RIC8B: variants seen among roughly 807,000 people sequenced by gnomAD.
RIC8B encodes chaperone Ric-8B.
A neutral mutation model predicts 57.5 loss-of-function variants in RIC8B; 16 were observed. The ratio of observed to expected loss-of-function variants is 0.28; its 90% confidence interval spans 0.19 to 0.42. The LOEUF (loss-of-function observed/expected upper bound fraction) is 0.42, where lower values mean the gene tolerates loss of function less well. RIC8B is among the 10% of genes least tolerant of loss of function. The probability of loss-of-function intolerance (pLI) is 1.00; values close to 1 mark genes in which losing one functional copy is unlikely to be tolerated. For missense variants in RIC8B, 481 were observed against 677.0 expected (o/e 0.71, Z 3.21); for synonymous variants, 216 against 250.8 (o/e 0.86, Z 1.31).
intron 2 of RIC8B, among the ~76,000 whole-genome samples, chr12:106,803,755 G>A (rs2044861669): frequency 1.3e-5 from 2 of 152,114 alleles, no homozygotes; most frequent in Admixed American, 6.5e-5. Context: ...CACTAATGTT[G>A]GAGAGAAAAC....
At position 106,808,898 on chromosome 12, in the gene RIC8B, C is replaced by T. The variant is rs180962460; in HGVS notation, c.133-5798C>T. On this transcript the variant is annotated intron_variant, in intron 2 of 9. Transcript: ENST00000392837. ...AGATAGTATATAAATCTTGATAGAT[C>T]GTTTGAATGCCCACATATGCTTCAT... Among the ~76,000 whole-genome samples the T allele has an allele frequency of 6.0e-4, 92 of 152,120 alleles. 2 individuals are homozygous for T. The highest frequency in any genetic ancestry group is 2.0e-3 in the African/African-American group (83 of 41,488).
chr12:106,878,802 T>C (rs1374474181), intron 9 of RIC8B, among the ~76,000 whole-genome samples: 1 of 151,098 alleles, frequency 6.6e-6, no homozygotes, highest in Non-Finnish European at 1.5e-5. Context: ...AGGGGGTGAT[T>C]GAAGGAAGCA....
chr12:106,786,391 T>C (rs1388423502), intron 2 of RIC8B, among the ~76,000 whole-genome samples: 5 of 152,092 alleles, frequency 3.3e-5, no homozygotes, highest in Admixed American at 3.3e-4. Flanking sequence ...GCTCGTGATC[T>C]GCCCATCTCG....
chr12:106,835,187 G>A (rs2046540287), intron 4 of RIC8B, among the ~76,000 whole-genome samples: 1 of 151,884 alleles, frequency 6.6e-6, no homozygotes, highest in African/African-American at 2.4e-5. Flanking sequence ...CACAACTCTG[G>A]TTTAAGGTCA....
At chr12:106,784,545 A>C (rs1284251313) in intron 2 of RIC8B, among the ~76,000 whole-genome samples, 2 of 152,100 alleles carry the variant, frequency 1.3e-5, no homozygotes, top group Non-Finnish European at 2.9e-5. Flanking sequence ...TTTTTTGTAG[A>C]GACAGGGTCT....
intron 2 of RIC8B, among the ~76,000 whole-genome samples, chr12:106,792,051 G>A (rs781765411): frequency 3.3e-5 from 5 of 152,134 alleles, no homozygotes; most frequent in Non-Finnish European, 5.9e-5. Flanking sequence ...TTGTTACATA[G>A]TGCAAGTACA....
intron 1 of RIC8B, among the ~76,000 whole-genome samples, chr12:106,782,039 T>TAAATTAAAA (rs1377622153): frequency 1.9e-4 from 29 of 152,216 alleles, no homozygotes; most frequent in African/African-American, 7.0e-4. Context: ...TGTTCTTTAT[T>TAAATTAAAA]ATCTATTTAA....
chr12:106,836,426 T>C lies in RIC8B; in HGVS notation c.837-6163T>C, dbSNP rs183158621. Among the ~76,000 whole-genome samples, 364 of 152,310 alleles carry C rather than the reference T, an allele frequency of 2.4e-3. 1 individual carries two copies. Among genetic ancestry groups the C allele is most frequent in the South Asian group, 4.1e-3 (20 of 4,826 alleles). On this transcript the variant is annotated intron_variant, in intron 4 of 9. Transcript: ENST00000392837. ...TTAACATCTCCACTTGGATGTCAACTAGACACCCCAAACTTAACATCCAAA... is the reference window on the plus strand; with the variant it reads ...TTAACATCTCCACTTGGATGTCAACCAGACACCCCAAACTTAACATCCAAA...
intron 3 of RIC8B, chr12:106,823,504 A>C (rs1261470193): frequency 1.3e-5 from 6 of 454,336 alleles, no homozygotes; most frequent in Non-Finnish European, 2.7e-5. Flanking sequence ...AAATGGATAG[A>C]TTTCCAAAAG....
intron 6 of RIC8B, among the ~76,000 whole-genome samples, chr12:106,844,187 C>T (rs1252930909): frequency 6.6e-6 from 1 of 152,066 alleles, no homozygotes; most frequent in Non-Finnish European, 1.5e-5. Context: ...AGTCTTTCCC[C>T]TTGGGAAGTT....
rs1491112200 is a variant in RIC8B at position 106,888,977 on chromosome 12, ACT to A, written c.*2965_*2966del. ...GACACAGAATGAGGCAGTACAAGTG[ACT>A]CTAAACACCCCCTTAGTGCCACATC... On this transcript the variant is annotated 3_prime_UTR_variant, in exon 10 of 10. Transcript: ENST00000392837. 1 of 151,900 alleles carries A rather than the reference ACT, an allele frequency of 6.6e-6. No homozygotes were observed. The highest frequency in any genetic ancestry group is 1.5e-5 in the Non-Finnish European group (1 of 67,978). 9.4% of individuals were successfully genotyped at this position (151,900 alleles called of 1,614,324 possible). A position where few individuals can be genotyped will look rare whatever the true frequency, so the allele number is the denominator to read the frequency against.
rs149711141 is a variant in RIC8B at position 106,834,939 on chromosome 12, G to A, written c.837-7650G>A. ...GCAGAGCTTGCAGTGAGCTGAGATT[G>A]CGCCAGTGCACTCCAGCCTGGGCGA... On this transcript the variant is annotated intron_variant, in intron 4 of 9. Transcript: ENST00000392837. Among the ~76,000 whole-genome samples the A allele has an allele frequency of 3.3e-3, 455 of 139,262 alleles. 6 individuals are homozygous for A. Among genetic ancestry groups the A allele is most frequent in the African/African-American group, 0.012 (442 of 37,008 alleles). The allele number at this position is 139,262 out of a possible 152,430, so 91.4% of individuals were successfully genotyped here.
intron 9 of RIC8B, chr12:106,874,561 G>T: frequency 1.9e-6 from 3 of 1,550,722 alleles, no homozygotes; most frequent in South Asian, 2.4e-5. Flanking sequence ...AAGTGATGAT[G>T]ACTAAGGTTG....
At chr12:106,779,300 C>T (rs139718011) in intron 1 of RIC8B, among the ~76,000 whole-genome samples, 81 of 150,552 alleles carry the variant, frequency 5.4e-4, no homozygotes, top group Non-Finnish European at 8.5e-4. Flanking sequence ...GGCTTGATGT[C>T]GCCTAACTGC....
intron 9 of RIC8B, chr12:106,874,358 C>A: frequency 2.7e-6 from 2 of 732,134 alleles, no homozygotes; most frequent in Non-Finnish European, 4.8e-6. Context: ...GATTAACTTT[C>A]CTTCTCAAAA....
In RIC8B at chr12:106,806,913, A is replaced by G. The variant is rs188786215; in HGVS notation, c.133-7783A>G. ...TGGCTGCTTAGGGCTCCAGCCACAT[A>G]CATTCAGCTTCCTATTTGACATCTC... On this transcript the variant is annotated intron_variant, in intron 2 of 9. Transcript: ENST00000392837. Among the ~76,000 whole-genome samples, 347 of 152,352 alleles carry G rather than the reference A, an allele frequency of 2.3e-3. 1 individual carries two copies. Among genetic ancestry groups the G allele is most frequent in the Admixed American group, 7.2e-3 (110 of 15,294 alleles).
At chr12:106,831,331 G>T (rs191589920) in intron 4 of RIC8B, among the ~76,000 whole-genome samples, 1 of 152,216 alleles carries the variant, frequency 6.6e-6, no homozygotes, top group East Asian at 1.9e-4. Flanking sequence ...CTGTCTTAAG[G>T]ATTAAGAGAA....
intron 2 of RIC8B, among the ~76,000 whole-genome samples, chr12:106,785,373 C>CCTCCT (rs2043958083): frequency 6.6e-6 from 1 of 152,164 alleles, no homozygotes; most frequent in East Asian, 1.9e-4. Flanking sequence ...CTTCAGCAAG[C>CCTCCT]CTCCTCTGAC....
chr12:106,783,935 G>A lies in RIC8B; in HGVS notation c.85-62G>A, dbSNP rs539725223. 9.3e-6 allele frequency: 14 copies of A among 1,506,724 alleles called. No individual in the cohort carries two copies. In the African/African-American group the frequency reaches 1.4e-4, roughly 15 times the overall value. 93.3% of individuals were successfully genotyped at this position (1,506,724 alleles called of 1,614,324 possible). A position where few individuals can be genotyped will look rare whatever the true frequency, so the allele number is the denominator to read the frequency against. ...GACATTATTTTAGATGCTATTAAACGTAGCCAAAATTAAAAAATACATGTA... is the reference window on the plus strand; with the variant it reads ...GACATTATTTTAGATGCTATTAAACATAGCCAAAATTAAAAAATACATGTA... On this transcript the variant is annotated intron_variant, in intron 1 of 9. Coordinates refer to ENST00000392837, the MANE Select transcript of RIC8B (RefSeq NM_001330145.2).
Sources: allele counts gnomAD v4.1 joint callset (sites outside exome capture counted in the v4.1 genomes callset), GRCh38; gene constraint gnomAD v4.1.1; transcripts MANE v1.5; gene names NCBI Gene and HGNC (gene_info 2026-07-23, HGNC 2026-07-21).